The following ZNF385D variants were observed in gnomAD, a reference collection of about 807,000 sequenced individuals.
The protein encoded by ZNF385D is zinc finger protein 385D, also known as zinc finger protein 659.
A neutral mutation model predicts 35.8 loss-of-function variants in ZNF385D; 15 were observed. That is an observed-to-expected ratio of 0.42 (90% CI 0.28 to 0.64). The LOEUF (loss-of-function observed/expected upper bound fraction) is 0.64. Ranked by LOEUF, ZNF385D falls within the 30% of genes least tolerant of loss-of-function variation. The pLI is 0.23. For synonymous variants in ZNF385D, 212 were observed against 186.8 expected, an observed-to-expected ratio of 1.13 and a Z score of -1.10; for missense variants, 474 against 494.6, an observed-to-expected ratio of 0.96 and a Z score of 0.39.
At chr3:22,212,919 GA>G (rs935742974) in intron 2 of ZNF385D, among the ~76,000 whole-genome samples, 3 of 151,432 alleles carry the variant, frequency 2.0e-5, no homozygotes, top group East Asian at 3.9e-4. Flanking sequence ...CTTAACTAAG[GA>G]AAAAAAATCA....
chr3:22,315,323 G>A (rs1703825656), intron 2 of ZNF385D, among the ~76,000 whole-genome samples: 2 of 152,140 alleles, frequency 1.3e-5, no homozygotes, highest in African/African-American at 2.4e-5. Flanking sequence ...TGGACCTTCA[G>A]GCAGAGATGA....
chr3:21,717,011 T>C (rs2068349146), intron 1 of ZNF385D, among the ~76,000 whole-genome samples: 1 of 152,140 alleles, frequency 6.6e-6, no homozygotes, highest in African/African-American at 2.4e-5. Context: ...TGTGCGCCTG[T>C]AGTCCCAGCT....
At chr3:22,024,850 G>C (rs1697439162) in intron 3 of ZNF385D, among the ~76,000 whole-genome samples, 1 of 152,118 alleles carries the variant, frequency 6.6e-6, no homozygotes, top group Non-Finnish European at 1.5e-5. Flanking sequence ...CAGGGATTCT[G>C]TCTCCCAGCT....
chr3:22,151,612 A>G (rs551580865), intron 3 of ZNF385D, among the ~76,000 whole-genome samples: 10 of 152,154 alleles, frequency 6.6e-5, no homozygotes, highest in Non-Finnish European at 1.5e-4. Context: ...GCTTGAGGAA[A>G]GTCAGTGTTT....
intron 3 of ZNF385D, among the ~76,000 whole-genome samples, chr3:21,556,857 G>A (rs2062758598): frequency 6.6e-6 from 1 of 150,422 alleles, no homozygotes; most frequent in South Asian, 2.1e-4. Flanking sequence ...TTGAGCAGTG[G>A]TTTGTAGTTA....
chr3:21,600,031 T>A (rs1330604961), intron 2 of ZNF385D, among the ~76,000 whole-genome samples: 3 of 152,186 alleles, frequency 2.0e-5, no homozygotes, highest in Non-Finnish European at 2.9e-5. Context: ...GCCACGAGAA[T>A]GACCTCTGGT....
intron 3 of ZNF385D, among the ~76,000 whole-genome samples, chr3:22,140,576 A>G (rs1242949854): frequency 6.6e-6 from 1 of 152,216 alleles, no homozygotes; most frequent in Non-Finnish European, 1.5e-5. Context: ...TTTGTAGTTT[A>G]ATAGTATACC....
chr3:21,795,381 C>G (rs1405666593), intron 3 of ZNF385D, among the ~76,000 whole-genome samples: 1 of 152,226 alleles, frequency 6.6e-6, no homozygotes, highest in Non-Finnish European at 1.5e-5. Flanking sequence ...TTAGTGGCCA[C>G]TGCCAGACAC....
At chr3:22,026,260 G>C (rs1380286188) in intron 3 of ZNF385D, among the ~76,000 whole-genome samples, 1 of 152,162 alleles carries the variant, frequency 6.6e-6, no homozygotes, top group Non-Finnish European at 1.5e-5. Context: ...ACTTGACCCA[G>C]TTTACAGATC....
intron 2 of ZNF385D, among the ~76,000 whole-genome samples, chr3:22,237,101 C>T (rs999363823): frequency 2.6e-5 from 4 of 152,186 alleles, no homozygotes; most frequent in Non-Finnish European, 5.9e-5. Context: ...AACTGCCAAA[C>T]TGATTTCCAA....
At chr3:21,666,551 T>G (rs2066413267) in intron 1 of ZNF385D, among the ~76,000 whole-genome samples, 1 of 152,080 alleles carries the variant, frequency 6.6e-6, no homozygotes, top group Admixed American at 6.6e-5. Flanking sequence ...TCAAAACAAG[T>G]AGAGATAACA....
chr3:22,317,070 G>A lies in ZNF385D; in HGVS notation c.106+55380C>T, dbSNP rs570712562. On this transcript the variant is annotated intron_variant, in intron 2 of 5. Transcript: ENST00000494108. ...AGGTGGGCGGATTACCTGAGGTCAGGAGCTCCAGACCAGCCTGACCAACAT... is the reference window on the plus strand; with the variant it reads ...AGGTGGGCGGATTACCTGAGGTCAGAAGCTCCAGACCAGCCTGACCAACAT... 3.6e-3 allele frequency among the ~76,000 whole-genome samples: 551 copies of A among 151,874 alleles called. 4 individuals carry two copies. The highest frequency in any genetic ancestry group is 0.011 in the African/African-American group (468 of 41,440).
intron 2 of ZNF385D, among the ~76,000 whole-genome samples, chr3:22,180,593 A>T (rs1412139005): frequency 6.6e-6 from 1 of 152,228 alleles, no homozygotes; most frequent in African/African-American, 2.4e-5. Flanking sequence ...CACCATGATC[A>T]AGTGGGCTTC....
intron 3 of ZNF385D, among the ~76,000 whole-genome samples, chr3:22,138,254 T>C (rs1007929860): frequency 5.3e-5 from 8 of 152,168 alleles, no homozygotes; most frequent in African/African-American, 1.2e-4. Flanking sequence ...AGGCAATTTA[T>C]AGATTCAATG....
intron 3 of ZNF385D, among the ~76,000 whole-genome samples, chr3:22,139,847 T>C (rs1255863830): frequency 6.6e-6 from 1 of 152,146 alleles, no homozygotes; most frequent in South Asian, 2.1e-4. Context: ...ATAAGGGACA[T>C]CATTCGTTAT....
At chr3:22,073,288 T>A (rs1324340610) in intron 3 of ZNF385D, among the ~76,000 whole-genome samples, 1 of 151,704 alleles carries the variant, frequency 6.6e-6, no homozygotes, top group Non-Finnish European at 1.5e-5. Flanking sequence ...TCTAAATTAC[T>A]TTAGGTTAAA....
intron 3 of ZNF385D, among the ~76,000 whole-genome samples, chr3:21,938,716 C>A (rs548007203): frequency 5.9e-5 from 9 of 152,276 alleles, no homozygotes; most frequent in African/African-American, 1.9e-4. Flanking sequence ...TGCACTTTCC[C>A]CTAAAACTAA....
chr3:22,355,110 G>A (rs953043448), intron 2 of ZNF385D, among the ~76,000 whole-genome samples: 1 of 151,994 alleles, frequency 6.6e-6, no homozygotes, highest in South Asian at 2.1e-4. Flanking sequence ...GTCAATAGAT[G>A]TATTTTCTGC....
At chr3:21,455,175 G>A (rs1225572019) in intron 4 of ZNF385D, among the ~76,000 whole-genome samples, 1 of 152,190 alleles carries the variant, frequency 6.6e-6, no homozygotes, top group Non-Finnish European at 1.5e-5. Flanking sequence ...GTAATTTATA[G>A]ATTCAATGCC....
Sources: gnomAD v4.1 joint callset for allele counts (sites outside exome capture counted in the v4.1 genomes callset) on GRCh38, gnomAD v4.1.1 for gene constraint, MANE v1.5 for transcripts, NCBI Gene and HGNC (gene_info 2026-07-23, HGNC 2026-07-21) for gene names.